Variants in FGD5 observed in about 807,000 individuals in gnomAD.
FGD5 encodes the protein FYVE, RhoGEF and PH domain containing 5.
Under a neutral mutation model 133.4 loss-of-function variants are expected in FGD5, and 28 were observed. The observed-to-expected ratio is 0.21, with a 90% CI of 0.16 to 0.29. The LOEUF is 0.29. Among genes scored for constraint, FGD5 ranks in the 10% least tolerant of loss-of-function variants. FGD5 has a pLI of 1.00. For synonymous variants in FGD5, 810 were observed against 776.5 expected (o/e 1.04, Z -0.72); for missense variants, 1,858 against 1,895.2 (o/e 0.98, Z 0.36).
At position 14,878,820 on chromosome 3, in the gene FGD5, C is replaced by CCTCAGT. The variant is rs1559490773; in HGVS notation, c.2659-1748_2659-1743dup. Among the ~76,000 whole-genome samples, 5 of 151,632 alleles carry CCTCAGT rather than the reference C, an allele frequency of 3.3e-5. No homozygotes were observed. In the South Asian group the frequency reaches 1.0e-3, roughly 32 times the overall value. ...GGCTCACTACAACCTCCGCCTCCTG[C>CCTCAGT]CTCAGTCTCCCGAGTAGCTGGGATC... On this transcript the variant is annotated intron_variant, in intron 2 of 19. Coordinates refer to ENST00000285046, the MANE Select transcript of FGD5 (RefSeq NM_152536.4).
At chr3:14,886,927 C>T (rs1243463624) in intron 4 of FGD5, among the ~76,000 whole-genome samples, 1 of 152,158 alleles carries the variant, frequency 6.6e-6, no homozygotes, top group Non-Finnish European at 1.5e-5. Context: ...TTTAAATTTA[C>T]TTAAATGTAT....
intron 1 of FGD5, among the ~76,000 whole-genome samples, chr3:14,845,051 G>A (rs911317763): frequency 6.6e-6 from 1 of 152,100 alleles, no homozygotes; most frequent in African/African-American, 2.4e-5. Context: ...TGGGATTTGA[G>A]AGTTAGCAGA....
rs181640294 is a variant in FGD5, at chr3:14,873,256, G to T, written c.2659-7316G>T. Among the ~76,000 whole-genome samples the T allele has an allele frequency of 2.6e-5, 4 of 152,256 alleles. No individual in the cohort carries two copies. The East Asian group carries it at 7.7e-4, about 29-fold the overall frequency. On this transcript the variant is annotated intron_variant, in intron 2 of 19. Coordinates refer to ENST00000285046, the MANE Select transcript of FGD5 (RefSeq NM_152536.4). ...GAGGGGGCTTGTTCAGTCAGTTGAGGAGTTTAGGATTTTGTTTTTAGGTCT... is the reference window on the plus strand; with the variant it reads ...GAGGGGGCTTGTTCAGTCAGTTGAGTAGTTTAGGATTTTGTTTTTAGGTCT...
At chr3:14,814,787 AT>A (rs2036344880), upstream of FGD5, among the ~76,000 whole-genome samples, 1 of 152,250 alleles carries the variant, frequency 6.6e-6, no homozygotes, top group East Asian at 1.9e-4. Flanking sequence ...GCAAACTGAA[AT>A]TCTGGATTTC....
At chr3:14,881,590 T>C (rs1215763169) in intron 4 of FGD5, among the ~76,000 whole-genome samples, 1 of 152,214 alleles carries the variant, frequency 6.6e-6, no homozygotes, top group Non-Finnish European at 1.5e-5. Flanking sequence ...TAGGGAACCA[T>C]GGCAGTCTCA....
At chr3:14,882,647 G>A (rs971358526) in intron 4 of FGD5, among the ~76,000 whole-genome samples, 9 of 150,490 alleles carry the variant, frequency 6.0e-5, no homozygotes, top group African/African-American at 2.0e-4. Flanking sequence ...GCAGTGAGCC[G>A]AGATCGTGCC....
At chr3:14,857,456 A>C (rs2037306331) in intron 1 of FGD5, among the ~76,000 whole-genome samples, 3 of 152,142 alleles carry the variant, frequency 2.0e-5, no homozygotes, top group Admixed American at 2.0e-4. Flanking sequence ...AGCCCTACTG[A>C]AATTTCATCC....
At chr3:14,901,117 C>A in intron 9 of FGD5, 56 bp downstream of exon 9, 1 of 1,582,966 alleles carries the variant, frequency 6.3e-7, no homozygotes, top group Admixed American at 1.7e-5. Flanking sequence ...CACCTCCCCA[C>A]CAGCTCCGGT....
chr3:14,892,546 G>A lies in FGD5; in HGVS notation c.2749-4963G>A, dbSNP rs541132945. On this transcript the variant is annotated intron_variant, in intron 4 of 19. Coordinates refer to ENST00000285046, the MANE Select transcript of FGD5 (RefSeq NM_152536.4). ...AGAAACTGTCCAGCAGGCCGGGCGCGGTGGCTCATGCCTGTAATCCTAGCA... is the reference window on the plus strand; with the variant it reads ...AGAAACTGTCCAGCAGGCCGGGCGCAGTGGCTCATGCCTGTAATCCTAGCA... 1.2e-4 allele frequency among the ~76,000 whole-genome samples: 19 copies of A among 152,252 alleles called. No homozygotes were observed. The East Asian group carries it at 3.1e-3, about 25-fold the overall frequency.
chr3:14,903,679 G>T (rs7618044), intron 9 of FGD5, among the ~76,000 whole-genome samples: 108,851 of 151,944 alleles, frequency 0.72, 39,164 homozygotes, highest in African/African-American at 0.76. Context: ...CAAAGGACAT[G>T]AACTCATCAT....
intron 4 of FGD5, chr3:14,882,321 C>A: frequency 3.0e-6 from 3 of 985,310 alleles, no homozygotes; most frequent in Middle Eastern, 5.2e-4. Context: ...GTTTGCCCTG[C>A]TTCCTGCCAG....
Position 14,892,047 on chromosome 3 carries a change from A to AC in FGD5, c.2749-5458dup, listed in dbSNP as rs947242707. On this transcript the variant is annotated intron_variant, in intron 4 of 19. Transcript: ENST00000285046. Reference sequence around the variant, plus strand: ...ATCCCACCTCCCTGTCCTCTTTTCTACCCCTCACTGTTCCCCTGCAGGGAG... The same window carrying AC: ...ATCCCACCTCCCTGTCCTCTTTTCTACCCCCTCACTGTTCCCCTGCAGGGAG... Among the ~76,000 whole-genome samples, 62 of 146,286 alleles carry AC rather than the reference A, an allele frequency of 4.2e-4. 2 individuals are homozygous for AC. The highest frequency in any genetic ancestry group is 9.0e-5 in the Non-Finnish European group (6 of 66,646).
chr3:14,912,525 C>T (rs2038468854), intron 11 of FGD5, among the ~76,000 whole-genome samples: 1 of 152,142 alleles, frequency 6.6e-6, no homozygotes, highest in Non-Finnish European at 1.5e-5. Context: ...TGCCTGAGTC[C>T]TTTTCTCTAG....
chr3:14,822,133 A>G (rs2036517902), intron 1 of FGD5, among the ~76,000 whole-genome samples: 1 of 152,096 alleles, frequency 6.6e-6, no homozygotes, highest in South Asian at 2.1e-4. Flanking sequence ...AAAAAGAAAA[A>G]AGAAAATCAG....
chr3:14,923,912 C>A (rs1015628730), intron 16 of FGD5, 96 bp from the exon 17 acceptor site: 41 of 1,475,814 alleles, frequency 2.8e-5, no homozygotes, highest in Non-Finnish European at 3.8e-5. Context: ...CCCCATGGCT[C>A]ACATTCCTAG....
At chr3:14,880,687 C>T (rs2037808153) in intron 3 of FGD5, 55 bp from the exon 4 acceptor site, 10 of 1,613,998 alleles carry the variant, frequency 6.2e-6, no homozygotes, top group Non-Finnish European at 8.5e-6. Context: ...CGTCACCCTC[C>T]TGGGCTTACA....
At chr3:14,816,263 G>C (rs1467312909), upstream of FGD5, among the ~76,000 whole-genome samples, 1 of 152,124 alleles carries the variant, frequency 6.6e-6, no homozygotes. Flanking sequence ...ACCTGTTAAG[G>C]ATAAGAAATG....
intron 1 of FGD5, among the ~76,000 whole-genome samples, chr3:14,848,044 G>A (rs1199136641): frequency 6.6e-6 from 1 of 152,160 alleles, no homozygotes; most frequent in Non-Finnish European, 1.5e-5. Flanking sequence ...TCAGCCGCGG[G>A]GTGTGGCCCC....
At chr3:14,869,420 TA>T (rs1204185487) in intron 2 of FGD5, among the ~76,000 whole-genome samples, 1 of 152,200 alleles carries the variant, frequency 6.6e-6, no homozygotes, top group African/African-American at 2.4e-5. Flanking sequence ...TTTCTATTTT[TA>T]AAAAATTGTG....
Sources: gnomAD v4.1 joint callset for allele counts (sites outside exome capture counted in the v4.1 genomes callset) on GRCh38, gnomAD v4.1.1 for gene constraint, MANE v1.5 for transcripts, NCBI Gene and HGNC (gene_info 2026-07-23, HGNC 2026-07-21) for gene names.